Variants in BEND7 observed in about 807,000 individuals in gnomAD.
BEND7 encodes BEN domain containing 7.
BEND7 carries 28 observed loss-of-function variants against 50.9 expected under a neutral mutation model. That is an observed-to-expected ratio of 0.55 (90% CI 0.41 to 0.75). The LOEUF is 0.75. Among genes scored for constraint, BEND7 ranks in the 30% least tolerant of loss-of-function variants. The pLI is 0.00. For synonymous variants in BEND7, 170 were observed against 183.9 expected (o/e 0.92, Z 0.61); for missense variants, 477 against 491.3 (o/e 0.97, Z 0.28).
At chr10:13,491,786 C>T (rs1449261333) in intron 5 of BEND7, among the ~76,000 whole-genome samples, 2 of 152,092 alleles carry the variant, frequency 1.3e-5, no homozygotes, top group African/African-American at 2.4e-5. Flanking sequence ...AAAGGTATGG[C>T]CAACCTCCAA....
intron 7 of BEND7, among the ~76,000 whole-genome samples, 167 bp from the exon 8 acceptor site, chr10:13,447,483 A>T (rs1311075836): frequency 6.9e-6 from 1 of 144,842 alleles, no homozygotes; most frequent in Non-Finnish European, 1.5e-5. Context: ...TAATATCATT[A>T]TTTGAATATT....
At chr10:13,527,973 A>G (rs2079537728) in intron 1 of BEND7, 1 of 327,716 alleles carries the variant, frequency 3.1e-6, no homozygotes. Context: ...AGCTAGCTAG[A>G]GATGTTGGAT....
intron 3 of BEND7, among the ~76,000 whole-genome samples, chr10:13,498,081 T>TC (rs1433937638): frequency 1.4e-5 from 2 of 146,078 alleles, no homozygotes; most frequent in East Asian, 3.9e-4. Flanking sequence ...CTTTTTTTTT[T>TC]TTTTTTTTTT....
chr10:13,518,272 T>G (rs968077311), intron 2 of BEND7, among the ~76,000 whole-genome samples: 4 of 150,050 alleles, frequency 2.7e-5, no homozygotes. Context: ...GCTGCCCCCA[T>G]GCGGGCCGTG....
At chr10:13,514,931 T>C (rs900819578) in intron 2 of BEND7, among the ~76,000 whole-genome samples, 1 of 152,210 alleles carries the variant, frequency 6.6e-6, no homozygotes, top group African/African-American at 2.4e-5. Flanking sequence ...ACTTGAGATA[T>C]AATTCCATTC....
intron 2 of BEND7, among the ~76,000 whole-genome samples, chr10:13,501,469 C>G (rs1005016481): frequency 6.6e-6 from 1 of 151,542 alleles, no homozygotes; most frequent in Non-Finnish European, 1.5e-5. Flanking sequence ...TTCAAACACA[C>G]TATCTTCTTA....
intron 2 of BEND7, among the ~76,000 whole-genome samples, chr10:13,523,569 T>C (rs1269989790): frequency 2.0e-5 from 3 of 152,244 alleles, no homozygotes; most frequent in African/African-American, 4.8e-5. Flanking sequence ...TACTTTGTTA[T>C]AGGGGAAAGA....
At chr10:13,456,523 G>A (rs553956448) in intron 6 of BEND7, among the ~76,000 whole-genome samples, 24 of 152,312 alleles carry the variant, frequency 1.6e-4, no homozygotes, top group African/African-American at 5.5e-4. Context: ...GGGGAGAGGG[G>A]CAGTGATGCT....
At chr10:13,508,007 T>C (rs2078017408) in intron 2 of BEND7, among the ~76,000 whole-genome samples, 2 of 152,232 alleles carry the variant, frequency 1.3e-5, no homozygotes, top group South Asian at 4.1e-4. Context: ...GTGGATAGAC[T>C]GATGGGCGGC....
At chr10:13,455,544 G>C (rs1838760417) in intron 6 of BEND7, among the ~76,000 whole-genome samples, 1 of 152,162 alleles carries the variant, frequency 6.6e-6, no homozygotes, top group Non-Finnish European at 1.5e-5. Flanking sequence ...GAGACAGGAG[G>C]GCTGAGGGAC....
At chr10:13,441,876 G>A in intron 8 of BEND7, 126 bp from the exon 9 acceptor site, 2 of 922,420 alleles carry the variant, frequency 2.2e-6, no homozygotes, top group Non-Finnish European at 1.7e-6. Context: ...CCCAAAAGAA[G>A]AAAAAGAAGC....
downstream of BEND7, chr10:13,439,361 G>A (rs1464818254): frequency 6.2e-7 from 1 of 1,614,142 alleles, no homozygotes; most frequent in Admixed American, 1.7e-5. Context: ...GGTTGTTCAG[G>A]AGCACGAGAT....
chr10:13,442,553 T>C (rs1408407731), intron 8 of BEND7: 1 of 152,226 alleles, frequency 6.6e-6, no homozygotes, highest in Non-Finnish European at 1.5e-5. Flanking sequence ...ATTAGTTTTA[T>C]ATAAAGTGGA....
Position 13,499,880 on chromosome 10 carries a change from C to T in BEND7, c.346G>A (p.Val116Met), listed in dbSNP as rs1380869064. 1 of 1,614,204 alleles carries T rather than the reference C, an allele frequency of 6.2e-7. No individual in the cohort carries two copies. The highest frequency in any genetic ancestry group is 1.1e-5 in the South Asian group (1 of 91,088). Residue 116 changes from valine to methionine, a missense_variant, in exon 3 of 9, where the codon GTG (valine) becomes ATG (methionine). Val to Met is a conservative substitution (Grantham distance 21). Around this residue, in one of 3 missense-constraint regions of BEND7, gnomAD observed 396 missense variants for 384.2 expected, o/e 1.03. Coordinates refer to ENST00000466271, the MANE Select transcript of BEND7 (RefSeq NM_001369863.1). Reference protein sequence around the residue: ...PQSLHPSSRGVWNELPPQSGQ... With the variant: ...PQSLHPSSRGMWNELPPQSGQ... ...CTCTGGGGCGGTAGCTCATTCCACACACCACGTGAAGACGGGTGGAGGCTT... is the reference window on the plus strand; with the variant it reads ...CTCTGGGGCGGTAGCTCATTCCACATACCACGTGAAGACGGGTGGAGGCTT...
At chr10:13,508,833 G>T (rs1422039999) in intron 2 of BEND7, among the ~76,000 whole-genome samples, 1 of 152,226 alleles carries the variant, frequency 6.6e-6, no homozygotes. Context: ...ACAAAAGAGT[G>T]TGTACACAGC....
At chr10:13,498,399 A>G (rs888555819) in intron 3 of BEND7, among the ~76,000 whole-genome samples, 1 of 152,120 alleles carries the variant, frequency 6.6e-6, no homozygotes, top group African/African-American at 2.4e-5. Context: ...AAAACATAAA[A>G]TATCTATTTT....
At chr10:13,521,180 T>C (rs1438068218) in intron 2 of BEND7, among the ~76,000 whole-genome samples, 1 of 152,138 alleles carries the variant, frequency 6.6e-6, no homozygotes, top group Non-Finnish European at 1.5e-5. Context: ...TGCTCCCCTT[T>C]GATCTGCTGG....
chr10:13,455,977 G>C (rs761764513), intron 6 of BEND7, among the ~76,000 whole-genome samples: 1 of 152,136 alleles, frequency 6.6e-6, no homozygotes, highest in African/African-American at 2.4e-5. Flanking sequence ...TTCCACCTCC[G>C]TCTCCTGCAG....
intron 2 of BEND7, chr10:13,502,794 G>A (rs1035820365): frequency 1.7e-5 from 10 of 589,238 alleles, no homozygotes; most frequent in East Asian, 2.9e-4. Context: ...GTTGGTGGCC[G>A]CCACCCCTGA....
Sources: allele counts gnomAD v4.1 joint callset (sites outside exome capture counted in the v4.1 genomes callset), GRCh38; gene constraint gnomAD v4.1.1; regional missense constraint gnomAD v4.1.1; transcripts MANE v1.5; gene names NCBI Gene and HGNC (gene_info 2026-07-23, HGNC 2026-07-21).